ADAMTSL1: variants seen among roughly 807,000 people sequenced by gnomAD.
ADAMTSL1 encodes the protein ADAMTS like 1, also known as ADAMTS-like protein 1.
In ADAMTSL1, 126 loss-of-function variants were observed where a neutral mutation model predicts 201.8. The observed-to-expected ratio is 0.62, with a 90% confidence interval of 0.54 to 0.72. ADAMTSL1 has a LOEUF of 0.72. Among genes scored for constraint, ADAMTSL1 ranks in the 30% least tolerant of loss-of-function variants. ADAMTSL1 has a pLI of 0.00. For synonymous variants in ADAMTSL1, 1,121 were observed against 903.4 expected (o/e 1.24, Z -4.32); for missense variants, 2,679 against 2,277.8 (o/e 1.18, Z -3.59).
chr9:18,307,487 G>A (rs991077450), intron 2 of ADAMTSL1, among the ~76,000 whole-genome samples: 1 of 152,014 alleles, frequency 6.6e-6, no homozygotes, highest in Non-Finnish European at 1.5e-5. Context: ...TAAAATAAAA[G>A]GATGGAGGAA....
intron 15 of ADAMTSL1, among the ~76,000 whole-genome samples, chr9:18,739,179 A>G (rs1392544507): frequency 6.6e-6 from 1 of 152,200 alleles, no homozygotes; most frequent in African/African-American, 2.4e-5. Context: ...GCACCCAATA[A>G]CTACTGGAAG....
rs368629187 is a variant in ADAMTSL1, at chr9:18,533,318, A to G, written c.237+26A>G. The G allele has an allele frequency of 9.4e-6, 15 of 1,593,920 alleles. No homozygotes were observed. In the South Asian group the frequency reaches 1.6e-4, roughly 17 times the overall value. On this transcript the variant is annotated intron_variant, in intron 3 of 28. Transcript: ENST00000380548. Reference sequence around the variant, plus strand: ...GTAAGTATAAGGTTCTGAGATTGTAATCATGTATTTTTGTTAGCACTGAAT... The same window carrying G: ...GTAAGTATAAGGTTCTGAGATTGTAGTCATGTATTTTTGTTAGCACTGAAT...
chr9:18,797,947 T>G (rs1822536171), intron 20 of ADAMTSL1, among the ~76,000 whole-genome samples: 1 of 152,200 alleles, frequency 6.6e-6, no homozygotes, highest in Non-Finnish European at 1.5e-5. Context: ...AGTATGTGTC[T>G]TAACACTGAG....
chr9:18,097,715 G>T (rs932759003), intron 1 of ADAMTSL1, among the ~76,000 whole-genome samples: 5 of 152,048 alleles, frequency 3.3e-5, no homozygotes, highest in African/African-American at 9.7e-5. Flanking sequence ...AGTATTTGTA[G>T]TTCATACAGC....
intron 1 of ADAMTSL1, among the ~76,000 whole-genome samples, chr9:18,053,147 G>C (rs999298969): frequency 5.9e-5 from 9 of 152,186 alleles, no homozygotes; most frequent in Non-Finnish European, 1.0e-4. Context: ...CTTTGAGCTT[G>C]AGAACTTTTT....
rs370940110 is a variant in ADAMTSL1 at position 18,681,697 on chromosome 9, T to TGTGCG, written c.1342-114_1342-113insTGCGG. 190 of 240,346 alleles carry TGTGCG rather than the reference T, an allele frequency of 7.9e-4. 5 individuals carry two copies. Among genetic ancestry groups the TGTGCG allele is most frequent in the Non-Finnish European group, 1.2e-3 (176 of 152,094 alleles). 14.9% of individuals were successfully genotyped at this position (240,346 alleles called of 1,614,324 possible). On this transcript the variant is annotated intron_variant, in intron 11 of 28. Transcript: ENST00000380548. ...TATAAATTTACCAGGAGTCCTCGTGTGGGGGGGGGGGGCGGGGAAAAAGAA... is the reference window on the plus strand; with the variant it reads ...TATAAATTTACCAGGAGTCCTCGTGTGTGCGGGGGGGGGGGGGCGGGGAAAAAGAA...
At chr9:18,567,804 T>A (rs1176589714) in intron 3 of ADAMTSL1, among the ~76,000 whole-genome samples, 2 of 152,214 alleles carry the variant, frequency 1.3e-5, no homozygotes, top group African/African-American at 2.4e-5. Context: ...CTCATACATA[T>A]ATGAGATAAA....
chr9:18,122,890 C>T (rs1327498756), intron 1 of ADAMTSL1, among the ~76,000 whole-genome samples: 1 of 151,808 alleles, frequency 6.6e-6, no homozygotes, highest in Non-Finnish European at 1.5e-5. Flanking sequence ...TGGTGTGTAC[C>T]TCCACACCTG....
chr9:17,935,939 G>A (rs1316065687), intron 1 of ADAMTSL1, among the ~76,000 whole-genome samples: 1 of 152,122 alleles, frequency 6.6e-6, no homozygotes, highest in Admixed American at 6.6e-5. Flanking sequence ...TATAAGGCCT[G>A]ATTTATCTAG....
intron 1 of ADAMTSL1, among the ~76,000 whole-genome samples, chr9:18,082,881 T>C (rs974247269): frequency 2.6e-5 from 4 of 152,064 alleles, no homozygotes; most frequent in African/African-American, 7.2e-5. Flanking sequence ...ATGAGAACAT[T>C]ATGAGAAGCA....
At chr9:18,159,513 C>T (rs1226370574) in intron 1 of ADAMTSL1, among the ~76,000 whole-genome samples, 2 of 152,062 alleles carry the variant, frequency 1.3e-5, no homozygotes, top group Admixed American at 6.6e-5. Flanking sequence ...AATTTCTATT[C>T]ATAATCAGCT....
intron 2 of ADAMTSL1, among the ~76,000 whole-genome samples, chr9:18,291,936 T>A (rs1833290957): frequency 6.6e-6 from 1 of 151,992 alleles, no homozygotes; most frequent in Non-Finnish European, 1.5e-5. Flanking sequence ...TCATGCAACA[T>A]CTCATCAGCC....
chr9:18,817,715 G>A (rs1823949776), intron 21 of ADAMTSL1, among the ~76,000 whole-genome samples: 2 of 152,152 alleles, frequency 1.3e-5, no homozygotes, highest in African/African-American at 4.8e-5. Flanking sequence ...GATTGAGAAG[G>A]GAAATACTAG....
rs76456235 is a variant in ADAMTSL1, at chr9:18,811,012, C to CAAAAA, written c.3806-6078_3806-6074dup. On this transcript the variant is annotated intron_variant, in intron 20 of 28. Transcript: ENST00000380548. The stretch of plus-strand genomic sequence containing the variant: ...GCTACTGGTAAACACCAATGAGTAC[C>CAAAAA]AAAAAAAAAAAAAAAAAAAAAAACA... Among the ~76,000 whole-genome samples the CAAAAA allele has an allele frequency of 2.2e-3, 84 of 38,738 alleles. 1 individual carries two copies. Among genetic ancestry groups the CAAAAA allele is most frequent in the East Asian group, 6.0e-3 (6 of 1,004 alleles). 25.4% of individuals were successfully genotyped at this position (38,738 alleles called of 152,430 possible). A position where few individuals can be genotyped will look rare whatever the true frequency, so the allele number is the denominator to read the frequency against.
At chr9:18,842,650 C>G (rs1825800810) in intron 23 of ADAMTSL1, among the ~76,000 whole-genome samples, 1 of 151,890 alleles carries the variant, frequency 6.6e-6, no homozygotes, top group African/African-American at 2.4e-5. Context: ...TTAAAGTCTC[C>G]CATTATTGTG....
intron 4 of ADAMTSL1, among the ~76,000 whole-genome samples, chr9:18,620,992 G>A (rs1826003155): frequency 6.6e-6 from 1 of 151,934 alleles, no homozygotes; most frequent in South Asian, 2.1e-4. Context: ...TTAATAAGAG[G>A]AATAAAAAAG....
intron 2 of ADAMTSL1, among the ~76,000 whole-genome samples, chr9:18,392,403 A>G (rs993465000): frequency 2.0e-5 from 3 of 152,210 alleles, no homozygotes; most frequent in Admixed American, 6.5e-5. Flanking sequence ...AGTTCAAACT[A>G]TCGTGCATGC....
At chr9:18,244,112 C>T (rs374449777) in intron 2 of ADAMTSL1, among the ~76,000 whole-genome samples, 9 of 148,188 alleles carry the variant, frequency 6.1e-5, no homozygotes, top group Admixed American at 2.0e-4. Context: ...TGTGTGTGTA[C>T]GTGTGTGTGT....
At position 18,843,530 on chromosome 9, in the gene ADAMTSL1, G is replaced by A. The variant is rs570335994; in HGVS notation, c.4249+13553G>A. On this transcript the variant is annotated intron_variant, in intron 23 of 28. Coordinates refer to ENST00000380548, the MANE Select transcript of ADAMTSL1 (RefSeq NM_001040272.6). ...TATGTGTCTTGGAGTTGCTCTTCTC[G>A]AGGAGTATCTTTGTGGTGTTCTCTG... is the stretch of plus-strand genomic sequence containing the variant. Among the ~76,000 whole-genome samples, 81 of 150,396 alleles carry A rather than the reference G, an allele frequency of 5.4e-4. No individual in the cohort carries two copies. The East Asian group carries it at 0.011, about 20-fold the overall frequency.
Sources: gnomAD v4.1 joint callset for allele counts (sites outside exome capture counted in the v4.1 genomes callset) on GRCh38, gnomAD v4.1.1 for gene constraint, MANE v1.5 for transcripts, NCBI Gene and HGNC (gene_info 2026-07-23, HGNC 2026-07-21) for gene names.